The following PRICKLE3 variants were observed in gnomAD, a reference collection of about 807,000 sequenced individuals.
The protein encoded by PRICKLE3 is prickle planar cell polarity protein 3.
In PRICKLE3, 17 loss-of-function variants were observed where a neutral mutation model predicts 33.8. The ratio of observed to expected loss-of-function variants is 0.50; its 90% confidence interval spans 0.34 to 0.75. The LOEUF is 0.75. Among genes scored for constraint, PRICKLE3 ranks in the 30% least tolerant of loss-of-function variants. PRICKLE3 has a pLI of 0.01. For missense variants in PRICKLE3, 573 were observed against 576.7 expected (o/e 0.99, Z 0.07); for synonymous variants, 211 against 219.6 (o/e 0.96, Z 0.34).
chrX:49,175,688 G>A lies in PRICKLE3; in HGVS notation c.1833C>T (p.Asn611=). 1 of 1,210,899 alleles carries A rather than the reference G, an allele frequency of 8.3e-7. No individual in the cohort carries two copies. Residue 611 remains asparagine (N), a synonymous_variant, in exon 9 of 9, where the codon AAC becomes AAT. Coordinates refer to ENST00000599218, the MANE Select transcript of PRICKLE3 (RefSeq NM_006150.5). ...CGGCCTGCCTTCAAGCCACGATGCA[G>A]TTCTTGTCTCGGGCCTGACGAGGCA... The part of the protein sequence containing the change: ...AGMPRQARDK[N]CIVA
chrX:49,179,571 AC>A (rs782494398), intron 4 of PRICKLE3, 121 bp downstream of exon 4: 6 of 868,393 alleles, frequency 6.9e-6, no homozygotes, highest in Non-Finnish European at 1.0e-5. Context: ...TCCCCTGATG[AC>A]CCCTGCCTGT....
chrX:49,185,235 T>C (rs2065477587), intron 1 of PRICKLE3, among the ~76,000 whole-genome samples: 1 of 110,804 alleles, frequency 9.0e-6, no homozygotes, highest in Admixed American at 9.5e-5. Flanking sequence ...CAGGAGCTCC[T>C]CCCCTAAACC....
intron 3 of PRICKLE3, among the ~76,000 whole-genome samples, chrX:49,182,435 C>T (rs1004824985): frequency 2.7e-5 from 3 of 112,238 alleles, no homozygotes; most frequent in African/African-American, 6.5e-5. Context: ...TAGCCCCTGC[C>T]ACATCTCTGA....
Position 49,183,736 on chromosome X carries a change from G to C in PRICKLE3, c.310C>G (p.Gln104Glu). ...GTGGAGGGCTGGCCTCTGGTCACCT[G>C]CTCCGGCTTAAGGCCTGGGGGCACC... ...AWVPPGLKPE[Q>E]VYQFFSCLPE... Residue 104 changes from glutamine to glutamate, a missense_variant and splice_region_variant, in exon 3 of 9, where the codon CAG becomes GAG. Coordinates refer to ENST00000599218, the MANE Select transcript of PRICKLE3 (RefSeq NM_006150.5). 1 of 1,211,713 alleles carries C rather than the reference G, an allele frequency of 8.3e-7. No homozygotes were observed. The highest frequency in any genetic ancestry group is 1.1e-6 in the Non-Finnish European group (1 of 895,408).
chrX:49,177,980 A>G lies in PRICKLE3; in HGVS notation c.955+13T>C. 1 of 1,141,820 alleles carries G rather than the reference A, an allele frequency of 8.8e-7. No homozygotes were observed. The highest frequency in any genetic ancestry group is 1.8e-5 in the African/African-American group (1 of 55,303). The allele number at this position is 1,141,820 out of a possible 1,213,427, so 94.1% of individuals were successfully genotyped here. On this transcript the variant is annotated intron_variant, in intron 7 of 8. Coordinates refer to ENST00000599218, the MANE Select transcript of PRICKLE3 (RefSeq NM_006150.5). ...CATCCATCCCTCTGTCCAGTCCCAC[A>G]GCATTCACCCACCGATGTGCTCCCC...
intron 3 of PRICKLE3, among the ~76,000 whole-genome samples, chrX:49,181,460 AATT>A (rs2065449577): frequency 1.1e-5 from 1 of 93,647 alleles, no homozygotes; most frequent in African/African-American, 3.9e-5. Context: ...TACGTAAAAT[AATT>A]ATTTTATATA....
rs781920750 is a variant in PRICKLE3, at chrX:49,186,250, G to C, written c.42+6C>G. The C allele has an allele frequency of 5.1e-5, 59 of 1,155,189 alleles. No homozygotes were observed. Among genetic ancestry groups the C allele is most frequent in the Admixed American group, 7.9e-5 (3 of 38,088 alleles). Reference sequence around the variant, plus strand: ...GACCCCCACCGCTGCCCTGACTCCCGCTCACCGCACGCCCGGAGCGGCGCC... The same window carrying C: ...GACCCCCACCGCTGCCCTGACTCCCCCTCACCGCACGCCCGGAGCGGCGCC... On this transcript the variant is annotated splice_donor_region_variant and intron_variant, in intron 1 of 8. Transcript: ENST00000599218.
chrX:49,181,442 A>T (rs2065449320), intron 3 of PRICKLE3, among the ~76,000 whole-genome samples: 1 of 94,547 alleles, frequency 1.1e-5, no homozygotes, highest in Non-Finnish European at 2.1e-5. Flanking sequence ...TTATTTACGT[A>T]AATTATATAC....
chrX:49,184,342 G>A (rs2065471787), intron 2 of PRICKLE3, among the ~76,000 whole-genome samples: 1 of 110,664 alleles, frequency 9.0e-6, no homozygotes, highest in African/African-American at 3.3e-5. Context: ...CCAGAGGGCG[G>A]CGCTCAGAGT....
In PRICKLE3 at chrX:49,179,556, G is replaced by T. The variant is rs782785915; in HGVS notation, c.426+137C>A. 22 of 904,171 alleles carry T rather than the reference G, an allele frequency of 2.4e-5. No individual in the cohort carries two copies. The African/African-American group carries it at 3.8e-4, about 15-fold the overall frequency. The allele number at this position is 904,171 out of a possible 1,213,427, so 74.5% of individuals were successfully genotyped here. On this transcript the variant is annotated intron_variant, in intron 4 of 8. Transcript: ENST00000599218. ...AAGGCCCAGCTGTGGTTTTGCCAAG[G>T]AATGTCCCCTGATGACCCCTGCCTG...
intron 1 of PRICKLE3, 25 bp from the exon 2 acceptor site, chrX:49,184,735 G>T (rs1557101658): frequency 8.6e-7 from 1 of 1,164,629 alleles, no homozygotes; most frequent in East Asian, 3.3e-5. Context: ...GGCAGATGCA[G>T]GGCCGGGTGA....
intron 1 of PRICKLE3, 67 bp from the exon 2 acceptor site, chrX:49,184,777 C>T: frequency 8.6e-7 from 1 of 1,162,175 alleles, no homozygotes; most frequent in Non-Finnish European, 1.2e-6. Flanking sequence ...AAGTCAACGC[C>T]CGCCCCTCCA....
chrX:49,183,758 C>T lies in PRICKLE3; in HGVS notation c.288G>A (p.Val96=). ...CCTGCTCCGGCTTAAGGCCTGGGGG[C>T]ACCCAGGCATACTCCTCCGATGCAC... ...SGCASEEYAW[V]PPGLKPEQVY... The change falls in exon 3 of 9, where the codon GTG becomes GTA. Residue 96 remains valine, a synonymous_variant. Coordinates refer to ENST00000599218, the MANE Select transcript of PRICKLE3 (RefSeq NM_006150.5). 8.3e-7 allele frequency: 1 copy of T among 1,211,724 alleles called. No homozygotes were observed. Among genetic ancestry groups the T allele is most frequent in the Non-Finnish European group, 1.1e-6 (1 of 895,467 alleles).
intron 3 of PRICKLE3, among the ~76,000 whole-genome samples, chrX:49,182,147 A>G (rs1445368118): frequency 9.1e-6 from 1 of 109,929 alleles, no homozygotes; most frequent in Non-Finnish European, 1.9e-5. Context: ...GGGTTTCACT[A>G]TGTTGGCCAG....
At position 49,185,896 on chromosome X, in the gene PRICKLE3, C is replaced by CAA. The variant is rs35472415; in HGVS notation, c.42+358_42+359dup. On this transcript the variant is annotated intron_variant, in intron 1 of 8. Coordinates refer to ENST00000599218, the MANE Select transcript of PRICKLE3 (RefSeq NM_006150.5). ...AGCCTGGGTGACAGAGATTCAGTCTCAAAAAAAAAAAAAAAAAAAAAAAGC... is the reference window on the plus strand; with the variant it reads ...AGCCTGGGTGACAGAGATTCAGTCTCAAAAAAAAAAAAAAAAAAAAAAAAAGC... Among the ~76,000 whole-genome samples the CAA allele has an allele frequency of 9.8e-3, 289 of 29,387 alleles. 4 individuals are homozygous for CAA. Among genetic ancestry groups the CAA allele is most frequent in the African/African-American group, 0.016 (119 of 7,363 alleles). The allele number at this position is 29,387 out of a possible 115,157, so 25.5% of individuals were successfully genotyped here. A position where few individuals can be genotyped will look rare whatever the true frequency, so the allele number is the denominator to read the frequency against.
At position 49,186,249 on chromosome X, in the gene PRICKLE3, C is replaced by T. The variant is rs1557101860; in HGVS notation, c.42+7G>A. 3.5e-6 allele frequency: 4 copies of T among 1,156,500 alleles called. No individual in the cohort carries two copies. The highest frequency in any genetic ancestry group is 1.8e-5 in the African/African-American group (1 of 55,255). On this transcript the variant is annotated splice_region_variant and intron_variant, in intron 1 of 8. Transcript: ENST00000599218. ...CGACCCCCACCGCTGCCCTGACTCC[C>T]GCTCACCGCACGCCCGGAGCGGCGC...
In PRICKLE3 at chrX:49,183,928, C is replaced by T. The variant is rs199922615; in HGVS notation, c.129-11G>A. 11 of 1,197,471 alleles carry T rather than the reference C, an allele frequency of 9.2e-6. No individual in the cohort carries two copies. The highest frequency in any genetic ancestry group is 1.8e-5 in the African/African-American group (1 of 57,075). ...TGCTGGCAGATCTTTCTGAGGGGGC[C>T]GGGATGGGGGTCAATTACTAAGGAG... is the stretch of plus-strand genomic sequence containing the variant. On this transcript the variant is annotated splice_polypyrimidine_tract_variant and intron_variant, in intron 2 of 8. Transcript: ENST00000599218.
In PRICKLE3 at chrX:49,177,175, T is replaced by C; in HGVS notation, c.983A>G (p.Glu328Gly). 8.4e-7 allele frequency: 1 copy of C among 1,183,674 alleles called. No individual in the cohort carries two copies. The highest frequency in any genetic ancestry group is 1.1e-6 in the Non-Finnish European group (1 of 885,080). The change falls in exon 8 of 9, where the codon GAG (glutamate) becomes GGG (glycine). Residue 328 changes from glutamate to glycine, a missense_variant. Physicochemically the swap from Glu to Gly is moderately conservative, Grantham distance 98 (BLOSUM62 -2). Transcript: ENST00000599218. ...IGLDQGQMAY[E>G]GQHWHASDRC... is the part of the protein sequence containing the mutation. ...GTCTGAGGCATGCCAGTGCTGGCCC[T>C]CGTAAGCCATCTGGCCTTGGTCCAG... is the stretch of plus-strand genomic sequence containing the variant.
intron 4 of PRICKLE3, 30 bp downstream of exon 4, chrX:49,179,663 G>T: frequency 9.3e-7 from 1 of 1,080,628 alleles, no homozygotes; most frequent in South Asian, 1.9e-5. Context: ...GCTGTGCCTG[G>T]CATGCCCTTC....
Sources: allele counts gnomAD v4.1 joint callset (sites outside exome capture counted in the v4.1 genomes callset), GRCh38; gene constraint gnomAD v4.1.1; transcripts MANE v1.5; gene names NCBI Gene and HGNC (gene_info 2026-07-23, HGNC 2026-07-21).